The following HPSE2 variants were observed in gnomAD, a reference collection of about 807,000 sequenced individuals.
HPSE2 encodes the protein inactive heparanase-2.
In HPSE2, 38 loss-of-function variants were observed where a neutral mutation model predicts 60.5. The ratio of observed to expected loss-of-function variants is 0.63; its 90% confidence interval spans 0.48 to 0.82. The LOEUF is 0.82. Among genes scored for constraint, HPSE2 ranks in the 40% least tolerant of loss-of-function variants. The probability of loss-of-function intolerance (pLI) is 0.00; values close to 1 mark genes in which losing one functional copy is unlikely to be tolerated. For synonymous variants in HPSE2, 295 were observed against 293.2 expected (o/e 1.01, Z -0.06); for missense variants, 713 against 740.4 (o/e 0.96, Z 0.43).
chr10:99,258,429 T>C, the HPSE2 span, among the ~76,000 whole-genome samples: 1 of 151,910 alleles, frequency 6.6e-6, no homozygotes, highest in African/African-American at 2.4e-5. Flanking sequence ...TATGTTGAAA[T>C]ACTCAATCTT....
chr10:98,564,100 T>A (rs1025017373), intron 9 of HPSE2, among the ~76,000 whole-genome samples: 14 of 152,192 alleles, frequency 9.2e-5, no homozygotes, highest in African/African-American at 3.4e-4. Flanking sequence ...TTTCCCTCAG[T>A]TGCAAGGCAG....
intron 3 of HPSE2, among the ~76,000 whole-genome samples, chr10:98,899,758 CTTTTTTT>C (rs61080994): frequency 3.4e-5 from 4 of 118,362 alleles, no homozygotes; most frequent in Non-Finnish European, 5.2e-5. Flanking sequence ...TTGGCAGTGT[CTTTTTTT>C]TTTTTTTTTT....
At chr10:98,919,383 C>T (rs557645826) in intron 3 of HPSE2, among the ~76,000 whole-genome samples, 2 of 152,196 alleles carry the variant, frequency 1.3e-5, no homozygotes, top group South Asian at 4.1e-4. Context: ...ATTATTTTTT[C>T]CTTCTAAATG....
At chr10:98,705,808 C>T (rs1274537785) in intron 5 of HPSE2, among the ~76,000 whole-genome samples, 1 of 151,946 alleles carries the variant, frequency 6.6e-6, no homozygotes, top group East Asian at 1.9e-4. Context: ...CTAATGCATG[C>T]CGGGCTTAAA....
the HPSE2 span, among the ~76,000 whole-genome samples, chr10:99,307,830 G>GCACA: frequency 0.048 from 6,757 of 140,972 alleles, 486 homozygotes; most frequent in African/African-American, 0.16. Flanking sequence ...CCTAGTAAAT[G>GCACA]CGCACACACA....
At chr10:99,191,294 A>C (rs1592211) in intron 2 of HPSE2, among the ~76,000 whole-genome samples, 4,192 of 151,838 alleles carry the variant, frequency 0.028, 192 homozygotes, top group African/African-American at 0.096. Context: ...TATGACCATG[A>C]ACTGTCACCG....
rs779459177 is a variant in HPSE2 at position 98,721,640 on chromosome 10, T to G, written c.956+17A>C. Reference sequence around the variant, plus strand: ...AAATGAACAATGTCATAAGAAAAGCTAAATAATCTGACCTACCCATCTAGG... The same window carrying G: ...AAATGAACAATGTCATAAGAAAAGCGAAATAATCTGACCTACCCATCTAGG... On this transcript the variant is annotated intron_variant, in intron 5 of 11. Coordinates refer to ENST00000370552, the MANE Select transcript of HPSE2 (RefSeq NM_021828.5). 1 of 1,611,066 alleles carries G rather than the reference T, an allele frequency of 6.2e-7. No individual in the cohort carries two copies. Among genetic ancestry groups the G allele is most frequent in the Non-Finnish European group, 8.5e-7 (1 of 1,178,014 alleles).
intron 9 of HPSE2, among the ~76,000 whole-genome samples, chr10:98,545,996 T>C (rs1943660153): frequency 7.1e-6 from 1 of 140,030 alleles, no homozygotes; most frequent in African/African-American, 2.6e-5. Flanking sequence ...ACAAGCATTC[T>C]TATATACCAA....
At chr10:98,718,686 C>G (rs901375901) in intron 5 of HPSE2, among the ~76,000 whole-genome samples, 1 of 151,812 alleles carries the variant, frequency 6.6e-6, no homozygotes, top group African/African-American at 2.4e-5. Context: ...AAGCCAGGCA[C>G]AAAAAGACAA....
intron 9 of HPSE2, among the ~76,000 whole-genome samples, chr10:98,550,580 T>C (rs1943832635): frequency 6.6e-6 from 1 of 151,924 alleles, no homozygotes; most frequent in Non-Finnish European, 1.5e-5. Flanking sequence ...GCCATTCTCC[T>C]GCCTCAGCCC....
At chr10:98,850,736 CAAAA>C (rs11345838) in intron 3 of HPSE2, among the ~76,000 whole-genome samples, 1 of 71,888 alleles carries the variant, frequency 1.4e-5, no homozygotes, top group Admixed American at 1.6e-4. Flanking sequence ...GACTCCATCT[CAAAA>C]AAAAAAAAAA....
intron 9 of HPSE2, among the ~76,000 whole-genome samples, chr10:98,556,171 G>A (rs1231716951): frequency 6.6e-6 from 1 of 152,176 alleles, no homozygotes; most frequent in Non-Finnish European, 1.5e-5. Context: ...GCGACACAGA[G>A]TCTAGATCTA....
At chr10:98,768,376 G>A (rs1429973746) in intron 3 of HPSE2, among the ~76,000 whole-genome samples, 1 of 152,138 alleles carries the variant, frequency 6.6e-6, no homozygotes, top group Non-Finnish European at 1.5e-5. Context: ...AAGCGGGCAG[G>A]AGACTCTTGC....
chr10:98,979,309 C>T (rs1956156164), intron 3 of HPSE2, among the ~76,000 whole-genome samples: 1 of 152,100 alleles, frequency 6.6e-6, no homozygotes, highest in Non-Finnish European at 1.5e-5. Flanking sequence ...CCAGAGGCCA[C>T]ACCAGACAGT....
chr10:99,137,949 C>G (rs1025099582), intron 3 of HPSE2, among the ~76,000 whole-genome samples: 3 of 152,176 alleles, frequency 2.0e-5, no homozygotes, highest in Non-Finnish European at 4.4e-5. Flanking sequence ...TCAAAGTGAA[C>G]AGGCAACCTA....
intron 9 of HPSE2, among the ~76,000 whole-genome samples, chr10:98,498,002 A>G (rs1399947698): frequency 6.6e-6 from 1 of 152,182 alleles, no homozygotes; most frequent in Non-Finnish European, 1.5e-5. Context: ...TATTAGGGAG[A>G]GCACTTTTGA....
intron 4 of HPSE2, among the ~76,000 whole-genome samples, chr10:98,724,271 G>A (rs1326400502): frequency 1.3e-5 from 2 of 151,994 alleles, no homozygotes; most frequent in South Asian, 2.1e-4. Context: ...GTAGTTGAGC[G>A]GTTTTGAGTG....
At chr10:98,882,976 T>C (rs914683924) in intron 3 of HPSE2, among the ~76,000 whole-genome samples, 3 of 152,114 alleles carry the variant, frequency 2.0e-5, no homozygotes, top group African/African-American at 7.2e-5. Context: ...GAAGATTGTA[T>C]ACTTTATCAG....
intron 3 of HPSE2, among the ~76,000 whole-genome samples, chr10:99,045,810 C>T (rs1957841970): frequency 6.6e-6 from 1 of 152,044 alleles, no homozygotes; most frequent in Non-Finnish European, 1.5e-5. Flanking sequence ...CTGAATGGAC[C>T]AATATCAAAC....
Sources: allele counts gnomAD v4.1 joint callset (sites outside exome capture counted in the v4.1 genomes callset), GRCh38; gene constraint gnomAD v4.1.1; transcripts MANE v1.5; gene names NCBI Gene and HGNC (gene_info 2026-07-23, HGNC 2026-07-21).